The following SPIDR variants were observed in gnomAD, a reference collection of about 807,000 sequenced individuals.
SPIDR encodes DNA repair-scaffolding protein.
In SPIDR, 93 loss-of-function variants were observed where a neutral mutation model predicts 104.6. That is an observed-to-expected ratio of 0.89 (90% CI 0.75 to 1.06). The LOEUF (loss-of-function observed/expected upper bound fraction) is 1.06. Among genes scored for constraint, SPIDR ranks in the 50% least tolerant of loss-of-function variants. SPIDR has a pLI of 0.00. For synonymous variants in SPIDR, 431 were observed against 416.9 expected, an observed-to-expected ratio of 1.03 and a Z score of -0.41; for missense variants, 1,154 against 1,111.2, an observed-to-expected ratio of 1.04 and a Z score of -0.55.
chr8:47,631,708 C>T (rs1426770510), intron 10 of SPIDR, among the ~76,000 whole-genome samples: 1 of 152,202 alleles, frequency 6.6e-6, no homozygotes, highest in Non-Finnish European at 1.5e-5. Flanking sequence ...AATCAACATA[C>T]AAATTACAAT....
intron 8 of SPIDR, among the ~76,000 whole-genome samples, chr8:47,468,530 A>G (rs2075239047): frequency 6.6e-6 from 1 of 152,148 alleles, no homozygotes; most frequent in Non-Finnish European, 1.5e-5. Flanking sequence ...AACAGAATAA[A>G]CAACCCAAAA....
At chr8:47,312,378 C>G (rs191642977) in intron 5 of SPIDR, among the ~76,000 whole-genome samples, 8,287 of 152,180 alleles carry the variant, frequency 0.054, 317 homozygotes, top group Non-Finnish European at 0.084. Context: ...CTCTCCAGCA[C>G]CTGTTGTTTC....
chr8:47,606,164 G>A (rs1191668680), intron 10 of SPIDR, among the ~76,000 whole-genome samples: 2 of 152,098 alleles, frequency 1.3e-5, no homozygotes, highest in Non-Finnish European at 2.9e-5. Context: ...CTAATGCTGG[G>A]GCCAGTGTTG....
intron 1 of SPIDR, among the ~76,000 whole-genome samples, chr8:47,269,012 C>A (rs1216931459): frequency 6.6e-6 from 1 of 151,606 alleles, no homozygotes; most frequent in East Asian, 1.9e-4. Context: ...ACAAAAAACA[C>A]AAAAATTAGC....
At chr8:47,604,737 CTA>C (rs1281345730) in intron 10 of SPIDR, among the ~76,000 whole-genome samples, 1 of 152,166 alleles carries the variant, frequency 6.6e-6, no homozygotes, top group Non-Finnish European at 1.5e-5. Context: ...ATGAGAAAAA[CTA>C]TAGTGAGAGC....
At chr8:47,281,169 T>C (rs975410322) in intron 2 of SPIDR, among the ~76,000 whole-genome samples, 3 of 152,216 alleles carry the variant, frequency 2.0e-5, no homozygotes, top group Non-Finnish European at 2.9e-5. Context: ...AAAAATACTT[T>C]GTTGCTAAAA....
chr8:47,512,116 C>G, intron 8 of SPIDR: 1 of 490,430 alleles, frequency 2.0e-6, no homozygotes, highest in Non-Finnish European at 3.7e-6. Flanking sequence ...CACGAACTCT[C>G]TCAGCGTCTT....
intron 5 of SPIDR, among the ~76,000 whole-genome samples, chr8:47,383,679 G>C (rs1310569017): frequency 6.6e-6 from 1 of 152,102 alleles, no homozygotes; most frequent in Non-Finnish European, 1.5e-5. Context: ...TGGTTCTGTT[G>C]ATTTATTTGC....
At chr8:47,322,482 C>T (rs12394667) in intron 5 of SPIDR, among the ~76,000 whole-genome samples, 59 of 152,204 alleles carry the variant, frequency 3.9e-4, no homozygotes, top group East Asian at 1.5e-3. Flanking sequence ...ACTTTTACAC[C>T]GTTGGTGGGA....
intron 16 of SPIDR, among the ~76,000 whole-genome samples, chr8:47,721,921 T>C (rs2083457504): frequency 6.6e-6 from 1 of 152,200 alleles, no homozygotes; most frequent in African/African-American, 2.4e-5. Context: ...ACAAAATAAC[T>C]TGATGAGATT....
At chr8:47,338,952 G>T (rs553910528) in intron 5 of SPIDR, among the ~76,000 whole-genome samples, 1 of 152,212 alleles carries the variant, frequency 6.6e-6, no homozygotes, top group African/African-American at 2.4e-5. Context: ...TAAGAGTAAA[G>T]GACAAAATGA....
At chr8:47,489,743 C>A (rs1264153227) in intron 8 of SPIDR, among the ~76,000 whole-genome samples, 4 of 152,100 alleles carry the variant, frequency 2.6e-5, no homozygotes, top group African/African-American at 9.7e-5. Flanking sequence ...CAAAAACAAG[C>A]AATGGGGAAA....
intron 10 of SPIDR, chr8:47,660,933 A>G: frequency 1.0e-6 from 1 of 985,392 alleles, no homozygotes. Context: ...GGAAACCAAG[A>G]TTTTGAGCAC....
Position 47,558,632 on chromosome 8 carries a change from C to CTT in SPIDR, c.1098-37171_1098-37170dup, listed in dbSNP as rs112873575. On this transcript the variant is annotated intron_variant, in intron 8 of 19. Transcript: ENST00000297423. ...ACCCTGGATAAGTATCTAGCTTCAC[C>CTT]TTTTTTTTTGTTTCTTTGTTTTTTT... Among the ~76,000 whole-genome samples the CTT allele has an allele frequency of 3.0e-3, 450 of 149,498 alleles. 1 individual carries two copies. The highest frequency in any genetic ancestry group is 0.01 in the African/African-American group (414 of 40,748).
chr8:47,589,022 GTTTTTTTTTTTT>G (rs1168001066), intron 8 of SPIDR, among the ~76,000 whole-genome samples: 1 of 89,056 alleles, frequency 1.1e-5, no homozygotes, highest in East Asian at 3.4e-4. Flanking sequence ...TTTATAGTTT[GTTTTTTTTTTTT>G]TTTTTTTTTG....
At chr8:47,356,466 A>AT (rs1469382390) in intron 5 of SPIDR, among the ~76,000 whole-genome samples, 1 of 152,204 alleles carries the variant, frequency 6.6e-6, no homozygotes, top group Non-Finnish European at 1.5e-5. Context: ...ATTTGCAACC[A>AT]TGGGAAGAAT....
At chr8:47,566,008 T>A (rs1316894946) in intron 8 of SPIDR, among the ~76,000 whole-genome samples, 2 of 71,742 alleles carry the variant, frequency 2.8e-5, no homozygotes, top group Non-Finnish European at 3.4e-5. Context: ...TTTTTTTTTT[T>A]TTTTTTTTTT....
intron 9 of SPIDR, among the ~76,000 whole-genome samples, chr8:47,597,279 A>T (rs1026795977): frequency 4.6e-5 from 7 of 152,006 alleles, no homozygotes; most frequent in African/African-American, 1.5e-4. Flanking sequence ...GGTTTGTTAC[A>T]TATGTATACA....
intron 8 of SPIDR, among the ~76,000 whole-genome samples, chr8:47,538,740 A>G (rs1167674200): frequency 1.3e-5 from 2 of 152,076 alleles, no homozygotes; most frequent in Non-Finnish European, 2.9e-5. Flanking sequence ...TTCAAAAGGA[A>G]ATTTATATAA....
Sources: allele counts gnomAD v4.1 joint callset (sites outside exome capture counted in the v4.1 genomes callset), GRCh38; gene constraint gnomAD v4.1.1; transcripts MANE v1.5; gene names NCBI Gene and HGNC (gene_info 2026-07-23, HGNC 2026-07-21).